The following CSMD1 variants were observed in gnomAD, a reference collection of about 807,000 sequenced individuals.
CSMD1 encodes CUB and sushi domain-containing protein 1.
Under a neutral mutation model 417.5 loss-of-function variants are expected in CSMD1, and 213 were observed. The observed-to-expected ratio is 0.51, with a 90% CI of 0.46 to 0.57. The LOEUF (loss-of-function observed/expected upper bound fraction) is 0.57. CSMD1 is among the 20% of genes least tolerant of loss of function. The pLI is 0.00. For missense variants in CSMD1, 6,923 were observed against 4,529.7 expected (o/e 1.53, Z -15.17); for synonymous variants, 2,862 against 1,736.8 (o/e 1.65, Z -16.11).
rs889119099 is a variant in CSMD1 at position 3,301,182 on chromosome 8, C to T, written c.3950+6513G>A. ...TAGACATTAGTTTTATAGACATAAA[C>T]ATAAATTTTTAAAATAAAACAAACC... On this transcript the variant is annotated intron_variant, in intron 25 of 69. Transcript: ENST00000635120. Among the ~76,000 whole-genome samples the T allele has an allele frequency of 3.3e-5, 5 of 151,276 alleles. No homozygotes were observed. In the East Asian group the frequency reaches 5.8e-4, roughly 18 times the overall value.
intron 1 of CSMD1, among the ~76,000 whole-genome samples, chr8:4,917,507 G>A: frequency 6.6e-6 from 1 of 152,128 alleles, no homozygotes; most frequent in East Asian, 1.9e-4. Flanking sequence ...GGTGGCGGGT[G>A]CCTGTACTCC....
intron 50 of CSMD1, among the ~76,000 whole-genome samples, chr8:3,036,413 C>T (rs1810677102): frequency 6.6e-6 from 1 of 152,182 alleles, no homozygotes; most frequent in African/African-American, 2.4e-5. Context: ...GAGAAGTCTC[C>T]CCTATCGTAC....
At position 4,461,394 on chromosome 8, in the gene CSMD1, A is replaced by G. The variant is rs113727818; in HGVS notation, c.303-41329T>C. Among the ~76,000 whole-genome samples the G allele has an allele frequency of 7.1e-3, 1,075 of 152,058 alleles. 28 individuals are homozygous for G. Among genetic ancestry groups the G allele is most frequent in the African/African-American group, 0.024 (1,005 of 41,346 alleles). ...ATGCAGGAAATTTAAAGGCATAAAG[A>G]TAGGTAAAGAAGATAAAAATATAAC... is the stretch of plus-strand genomic sequence containing the variant. On this transcript the variant is annotated intron_variant, in intron 2 of 69. Transcript: ENST00000635120.
intron 10 of CSMD1, among the ~76,000 whole-genome samples, chr8:3,521,778 G>A (rs1797518689): frequency 6.6e-6 from 1 of 152,138 alleles, no homozygotes; most frequent in African/African-American, 2.4e-5. Flanking sequence ...AGAACAAAAT[G>A]CATTGAATGA....
At chr8:4,987,663 G>C (rs1221400214) in intron 1 of CSMD1, among the ~76,000 whole-genome samples, 1 of 152,092 alleles carries the variant, frequency 6.6e-6, no homozygotes, top group Non-Finnish European at 1.5e-5. Flanking sequence ...TGAAAATTAC[G>C]GTTCCTGGGT....
At chr8:3,447,359 A>G (rs1815368109) in intron 12 of CSMD1, among the ~76,000 whole-genome samples, 1 of 152,206 alleles carries the variant, frequency 6.6e-6, no homozygotes, top group African/African-American at 2.4e-5. Context: ...AGAAAAAGGG[A>G]AAGGAATGAA....
At chr8:4,084,603 T>C (rs1800321361) in intron 3 of CSMD1, among the ~76,000 whole-genome samples, 2 of 152,078 alleles carry the variant, frequency 1.3e-5, no homozygotes, top group African/African-American at 2.4e-5. Context: ...AGAGAGAAAA[T>C]GAAAGCGAGC....
At chr8:4,039,147 A>G (rs905342131) in intron 3 of CSMD1, among the ~76,000 whole-genome samples, 1 of 152,228 alleles carries the variant, frequency 6.6e-6, no homozygotes, top group Admixed American at 6.5e-5. Context: ...TTTCAACAGC[A>G]TGTGTACAAT....
chr8:4,392,610 G>A (rs768464691), intron 3 of CSMD1, among the ~76,000 whole-genome samples: 5 of 151,562 alleles, frequency 3.3e-5, no homozygotes, highest in African/African-American at 1.2e-4. Flanking sequence ...AATTGAATAG[G>A]ATATGAGAAA....
chr8:3,736,394 C>A (rs984740206), intron 6 of CSMD1, among the ~76,000 whole-genome samples: 4 of 151,798 alleles, frequency 2.6e-5, no homozygotes, highest in Admixed American at 1.3e-4. Flanking sequence ...GTGCAAATCA[C>A]CACCATGCAT....
intron 37 of CSMD1, 27 bp downstream of exon 37, chr8:3,181,083 G>A (rs558803952): frequency 7.2e-7 from 1 of 1,385,704 alleles, no homozygotes; most frequent in East Asian, 2.3e-5. Context: ...AACAGTGGAA[G>A]CTGTATACAG....
At chr8:3,043,341 T>C (rs1404380903) in intron 50 of CSMD1, among the ~76,000 whole-genome samples, 2 of 151,920 alleles carry the variant, frequency 1.3e-5, no homozygotes, top group Non-Finnish European at 2.9e-5. Context: ...GTGATATACA[T>C]ATAACGATAT....
At chr8:4,076,373 G>C (rs760863754) in intron 3 of CSMD1, among the ~76,000 whole-genome samples, 2 of 152,150 alleles carry the variant, frequency 1.3e-5, no homozygotes, top group South Asian at 4.1e-4. Context: ...AAGTTACCCT[G>C]TCTGAGGTAG....
intron 52 of CSMD1, among the ~76,000 whole-genome samples, chr8:3,001,864 C>T (rs1484893591): frequency 6.6e-6 from 1 of 152,186 alleles, no homozygotes; most frequent in Non-Finnish European, 1.5e-5. Context: ...AAATTGTTGT[C>T]ATACTCCTTT....
chr8:4,507,167 C>T (rs572473353), intron 2 of CSMD1, among the ~76,000 whole-genome samples: 28 of 152,126 alleles, frequency 1.8e-4, no homozygotes, highest in African/African-American at 6.0e-4. Flanking sequence ...TGAAAGTTTA[C>T]TGAAAAAAAG....
At chr8:4,720,322 A>G (rs557273121) in intron 1 of CSMD1, among the ~76,000 whole-genome samples, 19 of 152,254 alleles carry the variant, frequency 1.2e-4, no homozygotes, top group East Asian at 9.6e-4. Context: ...CTCAAAATCT[A>G]TTGCACCAGA....
intron 12 of CSMD1, among the ~76,000 whole-genome samples, chr8:3,412,420 G>T (rs2116933518): frequency 6.6e-6 from 1 of 152,206 alleles, no homozygotes; most frequent in East Asian, 1.9e-4. Context: ...TGCTGTGAGG[G>T]ATATAGAAAC....
At chr8:4,914,558 A>C (rs370788130) in intron 1 of CSMD1, among the ~76,000 whole-genome samples, 12 of 146,194 alleles carry the variant, frequency 8.2e-5, no homozygotes, top group African/African-American at 3.1e-4. Flanking sequence ...AGCCTGGGAG[A>C]CAGCGAGACT....
rs12056452 is a variant in CSMD1 at position 4,837,885 on chromosome 8, C to T, written c.85+156447G>A. On this transcript the variant is annotated intron_variant, in intron 1 of 69. Transcript: ENST00000635120. ...GTACCCCATAAATATATACACCTAA[C>T]GTGAACCCCAAAATTAAAAAAAAAT... Among the ~76,000 whole-genome samples the T allele has an allele frequency of 9.4e-3, 1,430 of 151,684 alleles. 22 individuals are homozygous for T. The highest frequency in any genetic ancestry group is 0.034 in the African/African-American group (1,395 of 41,330).
Sources: gnomAD v4.1 joint callset for allele counts (sites outside exome capture counted in the v4.1 genomes callset) on GRCh38, gnomAD v4.1.1 for gene constraint, MANE v1.5 for transcripts, NCBI Gene and HGNC (gene_info 2026-07-23, HGNC 2026-07-21) for gene names.